BAK1: variants seen among roughly 807,000 people sequenced by gnomAD.
BAK1 encodes BCL2 antagonist/killer 1, also known as bcl-2 homologous antagonist/killer.
BAK1 carries 19 observed loss-of-function variants against 24.7 expected under a neutral mutation model. The ratio of observed to expected loss-of-function variants is 0.77; its 90% CI spans 0.54 to 1.13. The LOEUF is 1.13. BAK1 is among the 50% of genes most tolerant of loss of function. The pLI is 0.00. For missense variants in BAK1, 194 were observed against 279.4 expected (o/e 0.69, Z 2.18); for synonymous variants, 86 against 107.3 (o/e 0.80, Z 1.23).
At chr6:33,579,202 TG>T (rs1762895574) in intron 1 of BAK1, among the ~76,000 whole-genome samples, 1 of 152,044 alleles carries the variant, frequency 6.6e-6, no homozygotes, top group African/African-American at 2.4e-5. Flanking sequence ...AAAAATTAGC[TG>T]GGCATGGTGG....
At position 33,574,072 on chromosome 6, in the gene BAK1, G is replaced by T. The variant is rs747024677; in HGVS notation, c.493C>A (p.His165Asn). Reference protein sequence around the residue: ...TRFVVDFMLHHCIARWIAQRG... With the variant: ...TRFVVDFMLHNCIARWIAQRG... ...TGTGCAATCCACCGGGCAATGCAGT[G>T]ATGCAGCATGAAGTCGACCACGAAG... The change falls in exon 5 of 6, where the codon CAC (histidine) becomes AAC (asparagine). Residue 165 changes from histidine (H) to asparagine (N), a missense_variant. His to Asn is a moderately conservative substitution (Grantham distance 68). Coordinates refer to ENST00000374467, the MANE Select transcript of BAK1 (RefSeq NM_001188.4). 6.2e-7 allele frequency: 1 copy of T among 1,614,240 alleles called. No individual in the cohort carries two copies. The highest frequency in any genetic ancestry group is 1.1e-5 in the South Asian group (1 of 91,086).
At position 33,575,742 on chromosome 6, in the gene BAK1, A is replaced by C; in HGVS notation, c.206+51T>G. 2 of 1,599,944 alleles carry C rather than the reference A, an allele frequency of 1.3e-6. No individual in the cohort carries two copies. Among genetic ancestry groups the C allele is most frequent in the Non-Finnish European group, 1.7e-6 (2 of 1,172,198 alleles). ...CAGGACCTGCACAGAGACCCATGCG[A>C]GCTACTGCCTCCCTGAAGATGTCCT... On this transcript the variant is annotated intron_variant, in intron 3 of 5. Coordinates refer to ENST00000374467, the MANE Select transcript of BAK1 (RefSeq NM_001188.4). The surrounding 1 kb of genome is among the most constrained non-coding windows in gnomAD (Gnocchi z 6.3).
Position 33,573,729 on chromosome 6 carries a change from A to C in BAK1, c.*74T>G. The C allele has an allele frequency of 8.8e-7, 1 of 1,139,404 alleles. No homozygotes were observed. Among genetic ancestry groups the C allele is most frequent in the Non-Finnish European group, 1.3e-6 (1 of 770,592 alleles). The allele number at this position is 1,139,404 out of a possible 1,614,324, so 70.6% of individuals were successfully genotyped here. On this transcript the variant is annotated 3_prime_UTR_variant, in exon 6 of 6. Coordinates refer to ENST00000374467, the MANE Select transcript of BAK1 (RefSeq NM_001188.4). The stretch of plus-strand genomic sequence containing the variant: ...TCTTGAGGGGGGACCCCTGCAAGGG[A>C]ACAGAGAAGGCAAAGACTTCGCTTA...
At chr6:33,573,959 C>T (rs751021055) in intron 5 of BAK1, 52 bp from the exon 6 acceptor site, 9 of 1,613,548 alleles carry the variant, frequency 5.6e-6, no homozygotes, top group South Asian at 1.1e-5. Context: ...GATATAGGAA[C>T]CCGAGGAAGG....
chr6:33,576,359 G>A (rs1561831799), intron 2 of BAK1, among the ~76,000 whole-genome samples: 1 of 147,342 alleles, frequency 6.8e-6, no homozygotes, highest in Non-Finnish European at 1.5e-5. Context: ...GGCCGGGTGT[G>A]GTGGCTCATG....
chr6:33,575,771 G>A lies in BAK1; in HGVS notation c.206+22C>T, dbSNP rs762958558. On this transcript the variant is annotated intron_variant, in intron 3 of 5. Coordinates refer to ENST00000374467, the MANE Select transcript of BAK1 (RefSeq NM_001188.4). The surrounding 1 kb of genome is among the most constrained non-coding windows in gnomAD (Gnocchi z 6.3). Reference sequence around the variant, plus strand: ...ACTGCCTCCCTGAAGATGTCCTTGTGGGCCCAGCGGTTGTAGCTCACCTGC... The same window carrying A: ...ACTGCCTCCCTGAAGATGTCCTTGTAGGCCCAGCGGTTGTAGCTCACCTGC... 6.2e-7 allele frequency: 1 copy of A among 1,610,366 alleles called. No individual in the cohort carries two copies. The highest frequency in any genetic ancestry group is 1.3e-5 in the African/African-American group (1 of 74,966).
Position 33,572,847 on chromosome 6 carries a change from C to G in BAK1, c.*956G>C, listed in dbSNP as rs1762785573. The G allele has an allele frequency of 6.6e-6, 1 of 151,902 alleles. No individual in the cohort carries two copies. 9.4% of individuals were successfully genotyped at this position (151,902 alleles called of 1,614,324 possible). ...AGGGAGGATCCCACCTCTGGGATTC[C>G]TAGTGGTGTTGATAGTCCTTCTCCC... On this transcript the variant is annotated 3_prime_UTR_variant, in exon 6 of 6. Coordinates refer to ENST00000374467, the MANE Select transcript of BAK1 (RefSeq NM_001188.4).
rs1446619868 is a variant in BAK1, at chr6:33,577,720, T to C, written c.-31-85A>G. The stretch of plus-strand genomic sequence containing the variant: ...CCCCATACAGGTTGCCATGTCCACA[T>C]AGGAGAGAGGATCCCCCATTCCCAG... On this transcript the variant is annotated intron_variant, in intron 1 of 5. Transcript: ENST00000374467. This position sits in a 1 kb window ranked among gnomAD's most constrained non-coding sequence, Gnocchi z 4.6. 2.2e-6 allele frequency: 2 copies of C among 921,648 alleles called. No individual in the cohort carries two copies. The highest frequency in any genetic ancestry group is 1.6e-6 in the Non-Finnish European group (1 of 624,600). The allele number at this position is 921,648 out of a possible 1,614,324, so 57.1% of individuals were successfully genotyped here. A position where few individuals can be genotyped will look rare whatever the true frequency, so the allele number is the denominator to read the frequency against.
Sources: gnomAD v4.1 joint callset for allele counts (sites outside exome capture counted in the v4.1 genomes callset) on GRCh38, gnomAD v4.1.1 for gene constraint, Gnocchi (gnomAD v3.1) non-coding constraint, MANE v1.5 for transcripts, NCBI Gene and HGNC (gene_info 2026-07-23, HGNC 2026-07-21) for gene names.